AHNAK: variants seen among roughly 807,000 people sequenced by gnomAD.
AHNAK encodes the protein AHNAK nucleoprotein, also known as neuroblast differentiation-associated protein AHNAK.
Under a neutral mutation model 37.8 loss-of-function variants are expected in AHNAK, and 23 were observed. The observed-to-expected ratio is 0.61, with a 90% CI of 0.44 to 0.86. AHNAK has a LOEUF of 0.86. Among genes scored for constraint, AHNAK ranks in the 40% least tolerant of loss-of-function variants. The pLI, the probability that AHNAK is intolerant of heterozygous loss-of-function variation, is 0.00. For missense variants in AHNAK, 7,411 were observed against 7,319.4 expected, an observed-to-expected ratio of 1.01 and a Z score of -0.46; for synonymous variants, 2,481 against 2,636.3, an observed-to-expected ratio of 0.94 and a Z score of 1.80.
chr11:62,522,586 C>T lies in AHNAK; in HGVS notation c.11831G>A (p.Gly3944Asp). 1.2e-6 allele frequency: 2 copies of T among 1,612,094 alleles called. No homozygotes were observed. The highest frequency in any genetic ancestry group is 2.2e-5 in the South Asian group (2 of 90,968). Reference protein sequence around the residue: ...KIKMPKISMPGFKGEGPEVDV... With the variant: ...KIKMPKISMPDFKGEGPEVDV... ...CACTTCTGGACCTTCTCCTTTGAAG[C>T]CAGGCATGCTGATCTTGGGCATTTT... The change falls in exon 5 of 5, where the codon GGC becomes GAC. Residue 3944 changes from glycine to aspartate, a missense_variant. Physicochemically the swap from Gly to Asp is moderately conservative, Grantham distance 94. Coordinates refer to ENST00000378024, the MANE Select transcript of AHNAK (RefSeq NM_001620.3).
rs553508754 is a variant in AHNAK, at chr11:62,459,101, C to T, written c.443-25210G>A. Among the ~76,000 whole-genome samples, 47 of 152,212 alleles carry T rather than the reference C, an allele frequency of 3.1e-4. No individual in the cohort carries two copies. In the South Asian group the frequency reaches 9.7e-3, roughly 32 times the overall value. The stretch of plus-strand genomic sequence containing the variant: ...GGTCACCCCAGCACCTCTCCAAACT[C>T]CCCACACAAGGGCAAGGAGCAGGGG... On this transcript the variant is annotated intron_variant, in intron 5 of 5. Transcript: ENST00000257247.
In AHNAK at chr11:62,518,930, T is replaced by C; in HGVS notation, c.15487A>G (p.Lys5163Glu). 1 of 1,614,234 alleles carries C rather than the reference T, an allele frequency of 6.2e-7. No individual in the cohort carries two copies. The highest frequency in any genetic ancestry group is 1.6e-4 in the Middle Eastern group (1 of 6,062). Residue 5163 changes from lysine (K) to glutamate (E), a missense_variant, in exon 5 of 5, where the codon AAA (lysine) becomes GAA (glutamate). Transcript: ENST00000378024. ...GGTGCACCCAAGTTTGCCTGCACTTTGGGGCCTTTCAGGTCACCCTCTATT... is the reference window on the plus strand; with the variant it reads ...GGTGCACCCAAGTTTGCCTGCACTTCGGGGCCTTTCAGGTCACCCTCTATT... ...PKIEGDLKGP[K>E]VQANLGAPDI...
chr11:62,491,899 G>C (rs1396660507), intron 4 of AHNAK: 1 of 1,399,288 alleles, frequency 7.1e-7, no homozygotes, highest in Non-Finnish European at 9.9e-7. Context: ...CTTTTCAAAT[G>C]CCTACTATGG....
exon 6 of AHNAK, chr11:62,433,750 G>T: frequency 2.3e-6 from 3 of 1,299,430 alleles, no homozygotes; most frequent in Non-Finnish European, 3.3e-6. Flanking sequence ...CCGCCTCGCG[G>T]AAGGTATTCC....
At position 62,525,616 on chromosome 11, in the gene AHNAK, C is replaced by G. The variant is rs758221235; in HGVS notation, c.8801G>C (p.Gly2934Ala). The G allele has an allele frequency of 3.1e-6, 5 of 1,612,050 alleles. No homozygotes were observed. In the African/African-American group the frequency reaches 4.0e-5, roughly 13 times the overall value. The change falls in exon 5 of 5, where the codon GGC (glycine) becomes GCC (alanine). Residue 2934 changes from glycine (G) to alanine (A), a missense_variant. Transcript: ENST00000378024. Reference protein sequence around the residue: ...DVSGPKVDVEGPDVNIEGPEG... With the variant: ...DVSGPKVDVEAPDVNIEGPEG... ...TGGTCCTTCAATGTTAACATCAGGG[C>G]CTTCAACGTCCACTTTGGGGCCTGA...
chr11:62,541,391 C>T (rs751762546), intron 1 of AHNAK, among the ~76,000 whole-genome samples: 10 of 152,114 alleles, frequency 6.6e-5, no homozygotes, highest in Admixed American at 1.3e-4. Context: ...ACACACAAGG[C>T]CAAAGAGAAG....
At chr11:62,544,736 G>T (rs1044729754) in intron 1 of AHNAK, among the ~76,000 whole-genome samples, 58 of 152,164 alleles carry the variant, frequency 3.8e-4, no homozygotes, top group African/African-American at 1.4e-3. Context: ...TTCAGCTTCT[G>T]AAAGGAAGTG....
At chr11:62,513,043 AC>A (rs1345936778), downstream of AHNAK, among the ~76,000 whole-genome samples, 3 of 152,210 alleles carry the variant, frequency 2.0e-5, no homozygotes, top group Non-Finnish European at 1.5e-5. Flanking sequence ...CCTTAACTAC[AC>A]CACTGTCCAC....
intron 5 of AHNAK, among the ~76,000 whole-genome samples, chr11:62,481,316 A>G (rs1039314082): frequency 6.6e-6 from 1 of 151,952 alleles, no homozygotes. Flanking sequence ...CATTTTGGCC[A>G]GGCTGGTCCT....
At position 62,525,659 on chromosome 11, in the gene AHNAK, T is replaced by C. The variant is rs749559633; in HGVS notation, c.8758A>G (p.Lys2920Glu). ...EGPEVDVNLP[K>E]ADVDVSGPKV... is the part of the protein sequence containing the mutation. ...GGGCCTGAGACATCAACGTCAGCCT[T>C]GGGCAGGTTCACATCCACTTCAGGG... is the stretch of plus-strand genomic sequence containing the variant. The change falls in exon 5 of 5, where the codon AAG becomes GAG. Residue 2920 changes from lysine to glutamate, a missense_variant. Lys to Glu is a moderately conservative substitution (Grantham distance 56). Transcript: ENST00000378024. 1.5e-5 allele frequency: 24 copies of C among 1,613,604 alleles called. No individual in the cohort carries two copies. In the Admixed American group the frequency reaches 3.0e-4, roughly 20 times the overall value.
At chr11:62,487,399 A>G (rs1368513589) in intron 5 of AHNAK, among the ~76,000 whole-genome samples, 1 of 152,262 alleles carries the variant, frequency 6.6e-6, no homozygotes, top group Non-Finnish European at 1.5e-5. Flanking sequence ...TATGTGGCGT[A>G]AGGCAGGACA....
At chr11:62,512,903 G>A (rs1207375535), downstream of AHNAK, among the ~76,000 whole-genome samples, 1 of 150,686 alleles carries the variant, frequency 6.6e-6, no homozygotes, top group Non-Finnish European at 1.5e-5. The surrounding 1 kb of genome is among the most constrained non-coding windows in gnomAD (Gnocchi z 4.0). Flanking sequence ...AGGAAGGGAA[G>A]GAAGAAGGCA....
chr11:62,491,697 G>A, intron 5 of AHNAK: 1 of 1,550,226 alleles, frequency 6.5e-7, no homozygotes, highest in African/African-American at 1.4e-5. Context: ...CATAATCAAG[G>A]TCATCCGTCT....
At position 62,521,762 on chromosome 11, in the gene AHNAK, C is replaced by T. The variant is rs149720491; in HGVS notation, c.12655G>A (p.Val4219Ile). Residue 4219 changes from valine (V) to isoleucine (I), a missense_variant, in exon 5 of 5, where the codon GTC becomes ATC. Coordinates refer to ENST00000378024, the MANE Select transcript of AHNAK (RefSeq NM_001620.3). ...DVNLPKADLD[V>I]SGPKVDIDVP... ...TCAATGTCCACCTTGGGTCCTGAGA[C>T]GTCAAGGTCAGCCTTGGGCAGGTTC... The T allele has an allele frequency of 7.0e-5, 113 of 1,612,956 alleles. 4 individuals are homozygous for T. In the South Asian group the frequency reaches 7.1e-4, roughly 10 times the overall value.
chr11:62,516,379 G>A lies in AHNAK; in HGVS notation c.*365C>T. Reference sequence around the variant, plus strand: ...CCCCCAAAGTCATTACAATGAAAAAGTGGGTTTCCATTACCCCAAAACTAA... The same window carrying A: ...CCCCCAAAGTCATTACAATGAAAAAATGGGTTTCCATTACCCCAAAACTAA... On this transcript the variant is annotated 3_prime_UTR_variant, in exon 5 of 5. Coordinates refer to ENST00000378024, the MANE Select transcript of AHNAK (RefSeq NM_001620.3). The A allele has an allele frequency of 1.6e-6, 2 of 1,263,556 alleles. No individual in the cohort carries two copies. Among genetic ancestry groups the A allele is most frequent in the South Asian group, 1.3e-5 (1 of 77,876 alleles). The allele number at this position is 1,263,556 out of a possible 1,614,324, so 78.3% of individuals were successfully genotyped here. A position where few individuals can be genotyped will look rare whatever the true frequency, so the allele number is the denominator to read the frequency against.
In AHNAK at chr11:62,517,757, C is replaced by G; in HGVS notation, c.16660G>C (p.Glu5554Gln). Residue 5554 changes from glutamate (E) to glutamine (Q), a missense_variant, in exon 5 of 5, where the codon GAG (glutamate) becomes CAG (glutamine). Coordinates refer to ENST00000378024, the MANE Select transcript of AHNAK (RefSeq NM_001620.3). ...TTCAAGTTGATGCCAAAATCTGACT[C>G]AGGAGATGCCATATTAAAGGCAGGC... ...KGPAFNMASPESDFGINLKGP... is the reference protein window; with the variant it reads ...KGPAFNMASPQSDFGINLKGP... The G allele has an allele frequency of 6.2e-7, 1 of 1,614,224 alleles. No individual in the cohort carries two copies. The highest frequency in any genetic ancestry group is 2.2e-5 in the East Asian group (1 of 44,888).
At chr11:62,448,214 G>A (rs1018891609) in intron 5 of AHNAK, among the ~76,000 whole-genome samples, 5 of 152,188 alleles carry the variant, frequency 3.3e-5, no homozygotes, top group African/African-American at 1.2e-4. Flanking sequence ...GCTGGGATCT[G>A]GCGTAGAACC....
rs769258909 is a variant in AHNAK, at chr11:62,529,001, G to T, written c.5416C>A (p.Leu1806Met). The T allele has an allele frequency of 2.5e-6, 4 of 1,614,096 alleles. No homozygotes were observed. In the Admixed American group the frequency reaches 6.7e-5, roughly 27 times the overall value. The change falls in exon 5 of 5, where the codon CTG becomes ATG. Residue 1806 changes from leucine (L) to methionine (M), a missense_variant. By Grantham distance (15) the Leu-to-Met change is conservative. Transcript: ENST00000378024. ...TGCGGCCCTCTGAGATCACCTTCCAGTTCTGGCACAGAAGCATCTATCTCT... is the reference window on the plus strand; with the variant it reads ...TGCGGCCCTCTGAGATCACCTTCCATTTCTGGCACAGAAGCATCTATCTCT... ...KGEIDASVPE[L>M]EGDLRGPQVD...
intron 5 of AHNAK, among the ~76,000 whole-genome samples, chr11:62,447,360 A>G (rs1938439950): frequency 6.6e-6 from 1 of 152,136 alleles, no homozygotes; most frequent in Non-Finnish European, 1.5e-5. Flanking sequence ...GGGGGAGATT[A>G]GCAGGAATCT....
Sources: gnomAD v4.1 joint callset for allele counts (sites outside exome capture counted in the v4.1 genomes callset) on GRCh38, gnomAD v4.1.1 for gene constraint, Gnocchi (gnomAD v3.1) non-coding constraint, MANE v1.5 for transcripts, NCBI Gene and HGNC (gene_info 2026-07-23, HGNC 2026-07-21) for gene names.